The following DMGDH variants were observed in gnomAD, a reference collection of about 807,000 sequenced individuals.
DMGDH encodes dimethylglycine dehydrogenase, mitochondrial.
DMGDH carries 76 observed loss-of-function variants against 95.2 expected under a neutral mutation model. The observed-to-expected ratio is 0.80, with a 90% CI of 0.66 to 0.97. The LOEUF (loss-of-function observed/expected upper bound fraction) is 0.97, where lower values mean the gene tolerates loss of function less well. DMGDH is among the 50% of genes least tolerant of loss of function. The pLI, the probability that DMGDH is intolerant of heterozygous loss-of-function variation, is 0.00. For missense variants in DMGDH, 987 were observed against 1,055.0 expected (o/e 0.94, Z 0.89); for synonymous variants, 345 against 377.6 (o/e 0.91, Z 1.00).
At position 78,997,895 on chromosome 5, in the gene DMGDH, C is replaced by A. The variant is rs1434803774; in HGVS notation, c.*187G>T. The A allele has an allele frequency of 6.3e-6, 4 of 631,918 alleles. No homozygotes were observed. The highest frequency in any genetic ancestry group is 2.7e-6 in the Non-Finnish European group (1 of 366,338). 39.1% of individuals were successfully genotyped at this position (631,918 alleles called of 1,614,324 possible). A position where few individuals can be genotyped will look rare whatever the true frequency, so the allele number is the denominator to read the frequency against. ...CTTCATTTAAAAGAACAATGTAAAT[C>A]ATTTATCTATTATTCTGTCTTGCTT... On this transcript the variant is annotated 3_prime_UTR_variant, in exon 16 of 16. Transcript: ENST00000255189.
At chr5:79,030,163 G>T in intron 10 of DMGDH, 129 bp from the exon 11 acceptor site, 1 of 779,026 alleles carries the variant, frequency 1.3e-6, no homozygotes, top group Non-Finnish European at 2.0e-6. Flanking sequence ...TGTGTCAATC[G>T]TATGAATTAT....
At chr5:79,018,602 T>C (rs1753792645) in intron 14 of DMGDH, among the ~76,000 whole-genome samples, 1 of 152,176 alleles carries the variant, frequency 6.6e-6, no homozygotes. Flanking sequence ...ACTGCGGTGA[T>C]GGTTTCACTG....
Position 79,069,614 on chromosome 5 carries a change from G to A in DMGDH, c.7C>T (p.Arg3Cys). Residue 3 changes from arginine (R) to cysteine (C), a missense_variant, in exon 1 of 16, where the codon CGT (arginine) becomes TGT (cysteine). Physicochemically the swap from Arg to Cys is radical, Grantham distance 180. Coordinates refer to ENST00000255189, the MANE Select transcript of DMGDH (RefSeq NM_013391.3). The stretch of plus-strand genomic sequence containing the variant: ...CCCCGCAGCAGCTGCGCGCCGGGAC[G>A]GAGCATGACTAGGCCGAGGCCGAGG... ML[R>C]PGAQLLRGLL... 1 of 1,372,866 alleles carries A rather than the reference G, an allele frequency of 7.3e-7. No individual in the cohort carries two copies. Among genetic ancestry groups the A allele is most frequent in the Non-Finnish European group, 9.4e-7 (1 of 1,061,224 alleles). 85.0% of individuals were successfully genotyped at this position (1,372,866 alleles called of 1,614,324 possible).
At chr5:79,012,932 C>T (rs1392646222) in intron 14 of DMGDH, among the ~76,000 whole-genome samples, 1 of 152,228 alleles carries the variant, frequency 6.6e-6, no homozygotes, top group Non-Finnish European at 1.5e-5. Flanking sequence ...CTCTGAAATG[C>T]CTTCAAGACC....
chr5:79,015,484 C>T (rs1238732963), intron 14 of DMGDH, among the ~76,000 whole-genome samples: 5 of 152,212 alleles, frequency 3.3e-5, no homozygotes, highest in African/African-American at 7.2e-5. Context: ...TAGCTTGGCA[C>T]ATGAGACTCT....
intron 14 of DMGDH, among the ~76,000 whole-genome samples, chr5:79,006,260 G>T (rs1008277587): frequency 4.0e-5 from 6 of 150,570 alleles, no homozygotes; most frequent in African/African-American, 7.3e-5. Flanking sequence ...GGAAGACTTC[G>T]CACTTACTGG....
intron 1 of DMGDH, among the ~76,000 whole-genome samples, chr5:79,066,654 T>C (rs1035314418): frequency 1.3e-5 from 2 of 152,254 alleles, no homozygotes; most frequent in East Asian, 3.9e-4. Context: ...TGTTTCCTCA[T>C]GATGAGACTT....
rs1392410481 is a variant in DMGDH, at chr5:79,063,867, C to T, written c.102-80G>A. 14 of 1,407,172 alleles carry T rather than the reference C, an allele frequency of 9.9e-6. No homozygotes were observed. The East Asian group carries it at 1.6e-4, about 16-fold the overall frequency. 87.2% of individuals were successfully genotyped at this position (1,407,172 alleles called of 1,614,324 possible). On this transcript the variant is annotated intron_variant, in intron 1 of 15. Coordinates refer to ENST00000255189, the MANE Select transcript of DMGDH (RefSeq NM_013391.3). ...CTGGCCTAAAGCACTTCCCCTTACCCGTTTCTCTAGTACTTAACACCCACT... is the reference window on the plus strand; with the variant it reads ...CTGGCCTAAAGCACTTCCCCTTACCTGTTTCTCTAGTACTTAACACCCACT...
At position 79,055,737 on chromosome 5, in the gene DMGDH, C is replaced by G. The variant is rs1755011840; in HGVS notation, c.375+73G>C. ...CACACGGTCATACACAATGATGCATCAAAATCCTTCAGAAATCTTACATGT... is the reference window on the plus strand; with the variant it reads ...CACACGGTCATACACAATGATGCATGAAAATCCTTCAGAAATCTTACATGT... On this transcript the variant is annotated intron_variant, in intron 3 of 15. Transcript: ENST00000255189. 4.9e-6 allele frequency: 5 copies of G among 1,029,956 alleles called. No individual in the cohort carries two copies. In the South Asian group the frequency reaches 6.6e-5, roughly 14 times the overall value. 63.8% of individuals were successfully genotyped at this position (1,029,956 alleles called of 1,614,324 possible).
At chr5:79,035,828 A>G (rs1192681869) in intron 7 of DMGDH, among the ~76,000 whole-genome samples, 1 of 152,232 alleles carries the variant, frequency 6.6e-6, no homozygotes, top group Non-Finnish European at 1.5e-5. Context: ...CAAGCTTTAC[A>G]TAAAATTCCA....
chr5:79,028,722 G>A, intron 11 of DMGDH, 72 bp from the exon 12 acceptor site: 1 of 1,486,232 alleles, frequency 6.7e-7, no homozygotes, highest in Non-Finnish European at 9.4e-7. Flanking sequence ...TTATCTCTCT[G>A]AAGACATGCT....
At chr5:79,027,386 T>C (rs1054572871) in intron 12 of DMGDH, among the ~76,000 whole-genome samples, 4 of 152,182 alleles carry the variant, frequency 2.6e-5, no homozygotes, top group African/African-American at 4.8e-5. Flanking sequence ...GGAAAAGGTA[T>C]AGCAGCAGCC....
chr5:79,031,102 G>A (rs1554035546), intron 9 of DMGDH, 104 bp from the exon 10 acceptor site: 1 of 652,400 alleles, frequency 1.5e-6, no homozygotes. Flanking sequence ...AATCCTACGG[G>A]CAGCGGGGAG....
At position 79,030,001 on chromosome 5, in the gene DMGDH, G is replaced by A. The variant is rs910588331; in HGVS notation, c.1717C>T (p.Pro573Ser). 2.5e-6 allele frequency: 4 copies of A among 1,613,940 alleles called. No individual in the cohort carries two copies. Among genetic ancestry groups the A allele is most frequent in the Non-Finnish European group, 2.5e-6 (3 of 1,179,928 alleles). Residue 573 changes from proline to serine, a missense_variant, in exon 11 of 16, where the codon CCC (proline) becomes TCC (serine). Coordinates refer to ENST00000255189, the MANE Select transcript of DMGDH (RefSeq NM_013391.3). The stretch of plus-strand genomic sequence containing the variant: ...AGCTCAGCATACACTCGACCCTTGG[G>A]TGTTAACATGTGACTTATATTTGTA... ...GFTNISHMLT[P>S]KGRVYAELTV...
At chr5:79,014,510 T>C (rs1461268325) in intron 14 of DMGDH, among the ~76,000 whole-genome samples, 1 of 152,140 alleles carries the variant, frequency 6.6e-6, no homozygotes, top group Non-Finnish European at 1.5e-5. Flanking sequence ...AAATGCAAAG[T>C]AAATAATAAT....
intron 8 of DMGDH, 85 bp from the exon 9 acceptor site, chr5:79,032,925 T>C (rs1754232250): frequency 6.5e-7 from 1 of 1,529,908 alleles, no homozygotes. Context: ...GGAAATACAG[T>C]ACTTAAAATC....
At chr5:79,062,445 G>A (rs866060107) in intron 2 of DMGDH, among the ~76,000 whole-genome samples, 7 of 150,072 alleles carry the variant, frequency 4.7e-5, no homozygotes, top group African/African-American at 1.7e-4. Flanking sequence ...TCAAAGTGAG[G>A]TTCCCTCTTC....
chr5:79,021,477 C>T, intron 14 of DMGDH: 1 of 1,243,582 alleles, frequency 8.0e-7, no homozygotes, highest in South Asian at 1.4e-5. Flanking sequence ...GGGAAGGAGG[C>T]TGGAACAACT....
chr5:79,065,359 G>A (rs551172486), intron 1 of DMGDH, among the ~76,000 whole-genome samples: 2 of 151,446 alleles, frequency 1.3e-5, no homozygotes, highest in African/African-American at 2.4e-5. Flanking sequence ...TTACAGACAC[G>A]TACCACCACG....
Sources: allele counts gnomAD v4.1 joint callset (sites outside exome capture counted in the v4.1 genomes callset), GRCh38; gene constraint gnomAD v4.1.1; transcripts MANE v1.5; gene names NCBI Gene and HGNC (gene_info 2026-07-23, HGNC 2026-07-21).